The following UBXN2B variants were observed in gnomAD, a reference collection of about 807,000 sequenced individuals.
UBXN2B encodes UBX domain protein 2B.
Under a neutral mutation model 37.5 loss-of-function variants are expected in UBXN2B, and 19 were observed. The ratio of observed to expected loss-of-function variants is 0.51; its 90% CI spans 0.35 to 0.74. UBXN2B has a LOEUF of 0.74. Ranked by LOEUF, UBXN2B falls within the 30% of genes least tolerant of loss-of-function variation. The pLI is 0.01. For missense variants in UBXN2B, 370 were observed against 393.2 expected (o/e 0.94, Z 0.50); for synonymous variants, 145 against 143.8 (o/e 1.01, Z -0.06).
At chr8:58,438,530 G>A (rs1326908649) in intron 5 of UBXN2B, among the ~76,000 whole-genome samples, 1 of 152,204 alleles carries the variant, frequency 6.6e-6, no homozygotes, top group Admixed American at 6.5e-5. Flanking sequence ...TTTAATGTCT[G>A]CCCTGCCGGG....
intron 2 of UBXN2B, chr8:58,424,722 C>T (rs578039124): frequency 8.2e-5 from 114 of 1,392,018 alleles, no homozygotes; most frequent in Non-Finnish European, 1.1e-4. Context: ...TCGTCTGGTC[C>T]GCTAGAGAAT....
At chr8:58,439,822 T>C in intron 6 of UBXN2B, 52 bp downstream of exon 6, 1 of 1,550,186 alleles carries the variant, frequency 6.5e-7, no homozygotes, top group Admixed American at 2.2e-5. Flanking sequence ...AATTTTTCTT[T>C]GAGAATAAGA....
At chr8:58,429,884 A>G (rs1259117363) in intron 2 of UBXN2B, among the ~76,000 whole-genome samples, 3 of 152,214 alleles carry the variant, frequency 2.0e-5, no homozygotes, top group African/African-American at 7.2e-5. Context: ...TAGGTTATTA[A>G]TCTTACGTAA....
At chr8:58,443,795 A>G (rs898716780) in intron 6 of UBXN2B, among the ~76,000 whole-genome samples, 5 of 152,142 alleles carry the variant, frequency 3.3e-5, no homozygotes, top group Admixed American at 6.6e-5. Flanking sequence ...GCAACAGAGC[A>G]ACACTGCATC....
At chr8:58,439,921 TATC>T (rs1328872991) in intron 6 of UBXN2B, 151 bp downstream of exon 6, 2 of 604,204 alleles carry the variant, frequency 3.3e-6, no homozygotes, top group Non-Finnish European at 5.3e-6. Flanking sequence ...CATAATATTA[TATC>T]ATGTGATACC....
chr8:58,449,224 A>G lies in UBXN2B; in HGVS notation c.*1673A>G, dbSNP rs1055163425. On this transcript the variant is annotated 3_prime_UTR_variant, in exon 8 of 8. Transcript: ENST00000399598. ...TTACATCTGCAAAATCTCTTTTACC[A>G]TCTAAGGTTACATACAGGTTTGGAG... 1 of 152,210 alleles carries G rather than the reference A, an allele frequency of 6.6e-6. No homozygotes were observed. The highest frequency in any genetic ancestry group is 6.5e-5 in the Admixed American group (1 of 15,278). The allele number at this position is 152,210 out of a possible 1,614,324, so 9.4% of individuals were successfully genotyped here. A position where few individuals can be genotyped will look rare whatever the true frequency, so the allele number is the denominator to read the frequency against.
intron 5 of UBXN2B, among the ~76,000 whole-genome samples, chr8:58,437,589 C>T (rs1271818185): frequency 1.3e-5 from 2 of 152,008 alleles, no homozygotes; most frequent in Admixed American, 6.6e-5. Flanking sequence ...TCCCAAAGTG[C>T]TGGGATTACA....
At chr8:58,428,573 A>G (rs1481802547) in intron 2 of UBXN2B, among the ~76,000 whole-genome samples, 2 of 152,122 alleles carry the variant, frequency 1.3e-5, no homozygotes, top group African/African-American at 2.4e-5. Flanking sequence ...AATCCTTTTA[A>G]GGCCCAGCTG....
At chr8:58,427,936 TG>T (rs1049439575) in intron 2 of UBXN2B, among the ~76,000 whole-genome samples, 2 of 152,166 alleles carry the variant, frequency 1.3e-5, no homozygotes, top group Non-Finnish European at 2.9e-5. Flanking sequence ...AAGGAGATGT[TG>T]GATCCCATTG....
rs948427869 is a variant in UBXN2B, at chr8:58,411,409, G to C, written c.24G>C (p.Glu8Asp). The change falls in exon 1 of 8, where the codon GAG becomes GAC. Residue 8 changes from glutamate to aspartate, a missense_variant. Physicochemically the swap from Glu to Asp is conservative, Grantham distance 45. Around this residue, in one of 3 missense-constraint regions of UBXN2B, gnomAD observed 197 missense variants for 170.2 expected, o/e 1.16. Coordinates refer to ENST00000399598, the MANE Select transcript of UBXN2B (RefSeq NM_001077619.2). The part of the protein sequence containing the change: MAEGGGP[E>D]PGEQERRSSG... ...AGATGGCGGAGGGCGGAGGCCCTGA[G>C]CCCGGCGAGCAGGAGAGGAGGTCTT... The C allele has an allele frequency of 7.1e-6, 9 of 1,270,328 alleles. No homozygotes were observed. Among genetic ancestry groups the C allele is most frequent in the South Asian group, 5.7e-5 (2 of 35,140 alleles). 78.7% of individuals were successfully genotyped at this position (1,270,328 alleles called of 1,614,324 possible).
At chr8:58,418,729 A>G (rs1807848234) in intron 2 of UBXN2B, among the ~76,000 whole-genome samples, 1 of 152,196 alleles carries the variant, frequency 6.6e-6, no homozygotes, top group African/African-American at 2.4e-5. Context: ...GCAGTTTGGT[A>G]TCTTGACACT....
chr8:58,421,918 A>T (rs1172235981), intron 2 of UBXN2B, among the ~76,000 whole-genome samples: 1 of 152,260 alleles, frequency 6.6e-6, no homozygotes. Flanking sequence ...AGGTATTTCC[A>T]TTCTGAGTAT....
rs776388810 is a variant in UBXN2B, at chr8:58,447,575, C to T, written c.*24C>T. The stretch of plus-strand genomic sequence containing the variant: ...AATATTGTTCCTGTCCATGCAGTAG[C>T]ATGTGGGAATAGATGATGTGCCGTA... On this transcript the variant is annotated 3_prime_UTR_variant, in exon 8 of 8. Coordinates refer to ENST00000399598, the MANE Select transcript of UBXN2B (RefSeq NM_001077619.2). The T allele has an allele frequency of 6.4e-7, 1 of 1,566,468 alleles. No homozygotes were observed. Among genetic ancestry groups the T allele is most frequent in the South Asian group, 1.2e-5 (1 of 81,568 alleles).
chr8:58,445,836 G>A (rs1167364874), intron 6 of UBXN2B, 71 bp from the exon 7 acceptor site: 1 of 1,327,206 alleles, frequency 7.5e-7, no homozygotes, highest in Admixed American at 2.9e-5. Context: ...CATGTTCTAA[G>A]TGTTTATCGC....
At chr8:58,433,745 G>C (rs1479518928) in intron 4 of UBXN2B, among the ~76,000 whole-genome samples, 1 of 151,448 alleles carries the variant, frequency 6.6e-6, no homozygotes, top group African/African-American at 2.4e-5. Flanking sequence ...AGACCACCCT[G>C]GGCAACATAG....
chr8:58,422,427 C>T (rs759064891), intron 2 of UBXN2B, among the ~76,000 whole-genome samples: 1 of 152,218 alleles, frequency 6.6e-6, no homozygotes, highest in Non-Finnish European at 1.5e-5. Flanking sequence ...AAAGATGCCA[C>T]AGCATTTTAT....
At chr8:58,435,380 G>A (rs1189716232) in intron 5 of UBXN2B, among the ~76,000 whole-genome samples, 2 of 152,146 alleles carry the variant, frequency 1.3e-5, no homozygotes, top group Non-Finnish European at 2.9e-5. Flanking sequence ...TACAGATACT[G>A]TCAGGATACC....
At chr8:58,424,929 CTCTCTGTTGATGTCAG>C (rs71557721) in intron 2 of UBXN2B, 241,848 of 846,424 alleles carry the variant, frequency 0.29, 37,757 homozygotes, top group Admixed American at 0.54. Context: ...CAACACCTTT[CTCTCTGTTGATGTCAG>C]TCAGAATATC....
chr8:58,435,051 G>T, intron 5 of UBXN2B: 1 of 1,441,770 alleles, frequency 6.9e-7, no homozygotes, highest in East Asian at 2.6e-5. Context: ...TAAAGGATGA[G>T]GAATCAAGTG....
Sources: gnomAD v4.1 joint callset for allele counts (sites outside exome capture counted in the v4.1 genomes callset) on GRCh38, gnomAD v4.1.1 for gene constraint, gnomAD v4.1.1 regional missense constraint, MANE v1.5 for transcripts, NCBI Gene and HGNC (gene_info 2026-07-23, HGNC 2026-07-21) for gene names.